ACTL8: variants seen among roughly 807,000 people sequenced by gnomAD.
ACTL8 encodes the protein actin-like protein 8.
In ACTL8, 3 loss-of-function variants were observed where a neutral mutation model predicts 9.3. The ratio of observed to expected loss-of-function variants is 0.32; its 90% CI spans 0.15 to 0.83. ACTL8 has a LOEUF of 0.83. ACTL8 is among the 40% of genes least tolerant of loss of function. The pLI, the probability that ACTL8 is intolerant of heterozygous loss-of-function variation, is 0.57. For missense variants in ACTL8, 381 were observed against 492.2 expected (o/e 0.77, Z 2.14); for synonymous variants, 224 against 205.9 (o/e 1.09, Z -0.75).
Position 17,822,981 on chromosome 1 carries a change from G to A in ACTL8, c.-24-4G>A, listed in dbSNP as rs56082318. ...ACAACTAACCCCATCCTTTGCTTCC[G>A]CAGGTCCCACCCACCTCTGCCTCCG... On this transcript the variant is annotated splice_polypyrimidine_tract_variant and splice_region_variant and intron_variant, in intron 1 of 2. Coordinates refer to ENST00000375406, the MANE Select transcript of ACTL8 (RefSeq NM_030812.3). The A allele has an allele frequency of 0.039, 61,791 of 1,594,120 alleles. 1,423 individuals are homozygous for A. Among genetic ancestry groups the A allele is most frequent in the Non-Finnish European group, 0.046 (53,738 of 1,168,932 alleles).
At chr1:17,764,673 G>T (rs1006617831) in intron 1 of ACTL8, among the ~76,000 whole-genome samples, 3 of 152,166 alleles carry the variant, frequency 2.0e-5, no homozygotes, top group African/African-American at 7.2e-5. Context: ...GCCCCACTTG[G>T]CATGCCTGAT....
chr1:17,796,306 C>CTGTGTGTGTGTGTG (rs3063168), intron 1 of ACTL8, among the ~76,000 whole-genome samples: 29 of 148,052 alleles, frequency 2.0e-4, no homozygotes, highest in East Asian at 6.1e-4. Flanking sequence ...ATGCGTGCAC[C>CTGTGTGTGTGTGTG]TGTGTGTGTG....
In ACTL8 at chr1:17,797,349, A is replaced by G. The variant is rs192883385; in HGVS notation, c.-24-25636A>G. ...AATTTAGGACCTCTCTGTCCCTCCT[A>G]TGAGACCACGTATGCTTTGGAGCTA... On this transcript the variant is annotated intron_variant, in intron 1 of 2. Transcript: ENST00000375406. 1.1e-3 allele frequency among the ~76,000 whole-genome samples: 165 copies of G among 152,210 alleles called. 1 individual carries two copies. Among genetic ancestry groups the G allele is most frequent in the Middle Eastern group, 6.8e-3 (2 of 294 alleles).
chr1:17,769,769 T>C (rs984968049), intron 1 of ACTL8, among the ~76,000 whole-genome samples: 1 of 152,226 alleles, frequency 6.6e-6, no homozygotes, highest in Non-Finnish European at 1.5e-5. Flanking sequence ...CAGCTGTTGC[T>C]GTGTAGGGCT....
At chr1:17,783,644 A>G (rs1282278379) in intron 1 of ACTL8, among the ~76,000 whole-genome samples, 1 of 152,108 alleles carries the variant, frequency 6.6e-6, no homozygotes, top group East Asian at 1.9e-4. Context: ...TCGTGATGTT[A>G]AAGGGATCTG....
chr1:17,807,899 G>A (rs1423152967), intron 1 of ACTL8, among the ~76,000 whole-genome samples: 1 of 152,208 alleles, frequency 6.6e-6, no homozygotes, highest in Admixed American at 6.5e-5. Context: ...TGTAGGTGAC[G>A]GGTTGATGGG....
chr1:17,800,111 C>A (rs983167619), intron 1 of ACTL8, among the ~76,000 whole-genome samples: 1 of 152,176 alleles, frequency 6.6e-6, no homozygotes, highest in Non-Finnish European at 1.5e-5. Context: ...TGACCATATT[C>A]TCTAAAAACC....
chr1:17,818,526 C>T (rs1199806050), intron 1 of ACTL8, among the ~76,000 whole-genome samples: 3 of 152,234 alleles, frequency 2.0e-5, no homozygotes, highest in African/African-American at 2.4e-5. Flanking sequence ...CTCCACTCAC[C>T]GTGTCCTTGC....
intron 1 of ACTL8, among the ~76,000 whole-genome samples, chr1:17,769,836 C>T (rs1470605279): frequency 6.6e-6 from 1 of 152,038 alleles, no homozygotes; most frequent in Non-Finnish European, 1.5e-5. Context: ...GAACTATGCT[C>T]CAAAATAATT....
intron 1 of ACTL8, among the ~76,000 whole-genome samples, chr1:17,788,000 G>T (rs372500207): frequency 3.3e-5 from 5 of 152,324 alleles, no homozygotes; most frequent in Admixed American, 2.6e-4. Flanking sequence ...TGACAAGCAG[G>T]GGGGCTGAGC....
chr1:17,782,354 A>G (rs74311679), intron 1 of ACTL8, among the ~76,000 whole-genome samples: 6,087 of 152,318 alleles, frequency 0.04, 482 homozygotes, highest in East Asian at 0.31. Context: ...CTGTGGTTTT[A>G]AAAGTTAAAT....
chr1:17,798,288 C>A (rs2066293116), intron 1 of ACTL8, among the ~76,000 whole-genome samples: 1 of 151,884 alleles, frequency 6.6e-6, no homozygotes, highest in Admixed American at 6.6e-5. Context: ...CCCGAGGTGC[C>A]CTAAGGAGCT....
At chr1:17,801,377 A>G (rs2066321522) in intron 1 of ACTL8, among the ~76,000 whole-genome samples, 1 of 152,250 alleles carries the variant, frequency 6.6e-6, no homozygotes, top group African/African-American at 2.4e-5. Context: ...ACTGTTAAAC[A>G]TCTATCCTCT....
intron 1 of ACTL8, among the ~76,000 whole-genome samples, chr1:17,774,259 G>A (rs2066102699): frequency 6.6e-6 from 1 of 152,110 alleles, no homozygotes; most frequent in Admixed American, 6.5e-5. Flanking sequence ...CCCTCATTTT[G>A]CTAATGAGGA....
At chr1:17,757,675 G>A (rs1218832607) in intron 1 of ACTL8, among the ~76,000 whole-genome samples, 2 of 152,098 alleles carry the variant, frequency 1.3e-5, no homozygotes, top group African/African-American at 4.8e-5. Flanking sequence ...CCACGGTGGC[G>A]GGTATACACA....
intron 1 of ACTL8, among the ~76,000 whole-genome samples, chr1:17,799,220 C>A (rs2066302107): frequency 2.0e-5 from 3 of 152,200 alleles, no homozygotes; most frequent in Non-Finnish European, 4.4e-5. Context: ...TCCAGCCAGT[C>A]CCATTGGGCT....
Position 17,783,821 on chromosome 1 carries a change from G to C in ACTL8, c.-25+28317G>C, listed in dbSNP as rs145575766. ...AAATGAGAAATAGCTCTTGCCTTGA[G>C]TTGGTGTAAAGGGGATATCTTGGGC... On this transcript the variant is annotated intron_variant, in intron 1 of 2. Transcript: ENST00000375406. Among the ~76,000 whole-genome samples, 8 of 152,372 alleles carry C rather than the reference G, an allele frequency of 5.3e-5. No homozygotes were observed. The East Asian group carries it at 1.5e-3, about 29-fold the overall frequency.
chr1:17,822,729 A>C (rs2053673774), intron 1 of ACTL8, among the ~76,000 whole-genome samples: 1 of 152,130 alleles, frequency 6.6e-6, no homozygotes, highest in Non-Finnish European at 1.5e-5. Context: ...TGCAAAGTGC[A>C]GTGGGAGAAG....
chr1:17,794,631 A>G lies in ACTL8; in HGVS notation c.-24-28354A>G, dbSNP rs114284202. Among the ~76,000 whole-genome samples, 722 of 152,222 alleles carry G rather than the reference A, an allele frequency of 4.7e-3. 13 individuals carry two copies. The highest frequency in any genetic ancestry group is 0.017 in the African/African-American group (686 of 41,508). On this transcript the variant is annotated intron_variant, in intron 1 of 2. Coordinates refer to ENST00000375406, the MANE Select transcript of ACTL8 (RefSeq NM_030812.3). The stretch of plus-strand genomic sequence containing the variant: ...CCTGGTCTCATCTTATTTTTTTACT[A>G]CTTTTCTCTTTGCATAATTTTTATT...
Sources: gnomAD v4.1 joint callset for allele counts (sites outside exome capture counted in the v4.1 genomes callset) on GRCh38, gnomAD v4.1.1 for gene constraint, MANE v1.5 for transcripts, NCBI Gene and HGNC (gene_info 2026-07-23, HGNC 2026-07-21) for gene names.